OSBPL9: variants seen among roughly 807,000 people sequenced by gnomAD.
OSBPL9 encodes the protein oxysterol-binding protein-related protein 9.
A neutral mutation model predicts 106.6 loss-of-function variants in OSBPL9; 40 were observed. That is an observed-to-expected ratio of 0.38 (90% CI 0.29 to 0.49). The LOEUF (loss-of-function observed/expected upper bound fraction) is 0.49, where lower values mean the gene tolerates loss of function less well. Ranked by LOEUF, OSBPL9 falls within the 20% of genes least tolerant of loss-of-function variation. The probability of loss-of-function intolerance (pLI) is 0.97; values close to 1 mark genes in which losing one functional copy is unlikely to be tolerated. For missense variants in OSBPL9, 609 were observed against 887.2 expected (o/e 0.69, Z 3.98); for synonymous variants, 269 against 295.4 (o/e 0.91, Z 0.92).
At chr1:51,651,898 T>A in intron 1 of OSBPL9, 93 bp from the exon 2 acceptor site, 1 of 978,500 alleles carries the variant, frequency 1.0e-6, no homozygotes, top group Non-Finnish European at 1.6e-6. Flanking sequence ...TGGGTATTAC[T>A]GTAAATCTTG....
At chr1:51,710,014 A>G (rs1331412181) in intron 3 of OSBPL9, 2 of 152,260 alleles carry the variant, frequency 1.3e-5, no homozygotes, top group Non-Finnish European at 2.9e-5. Context: ...ATTGTAGATT[A>G]TGGACCTTCA....
At chr1:51,675,760 C>A (rs892513780) in intron 3 of OSBPL9, among the ~76,000 whole-genome samples, 1 of 151,572 alleles carries the variant, frequency 6.6e-6, no homozygotes, top group Non-Finnish European at 1.5e-5. Context: ...ACTAATAATT[C>A]GAAAAAAACT....
the OSBPL9 span, among the ~76,000 whole-genome samples, chr1:51,542,765 A>C: frequency 3.3e-5 from 5 of 152,228 alleles, no homozygotes; most frequent in African/African-American, 1.2e-4. Flanking sequence ...AATCTAGTAA[A>C]TACAGTGCTG....
intron 3 of OSBPL9, among the ~76,000 whole-genome samples, chr1:51,683,147 C>T (rs1571047421): frequency 6.6e-6 from 1 of 151,152 alleles, no homozygotes; most frequent in East Asian, 2.0e-4. Context: ...AGTGCTGGGA[C>T]TACAGGCGTG....
chr1:51,689,632 A>G lies in OSBPL9; in HGVS notation c.241+20120A>G, dbSNP rs143482480. On this transcript the variant is annotated intron_variant, in intron 3 of 23. Coordinates refer to ENST00000428468, the MANE Select transcript of OSBPL9 (RefSeq NM_024586.6). The stretch of plus-strand genomic sequence containing the variant: ...TTAATATTCAATAAAACCTCTTTTA[A>G]TAAGATTCTTGCAGAGGTCAAGTTT... Among the ~76,000 whole-genome samples, 624 of 152,314 alleles carry G rather than the reference A, an allele frequency of 4.1e-3. 1 individual carries two copies. Among genetic ancestry groups the G allele is most frequent in the Non-Finnish European group, 7.2e-3 (490 of 68,026 alleles).
chr1:51,711,527 C>A, intron 3 of OSBPL9, among the ~76,000 whole-genome samples: 1 of 134,818 alleles, frequency 7.4e-6, no homozygotes, highest in Non-Finnish European at 1.6e-5. Flanking sequence ...CCCCCACCTC[C>A]CTCCCGGACG....
intron 3 of OSBPL9, among the ~76,000 whole-genome samples, chr1:51,692,660 T>C (rs1320103575): frequency 2.0e-5 from 3 of 149,660 alleles, no homozygotes; most frequent in Non-Finnish European, 4.4e-5. Flanking sequence ...TCCCTTCCTT[T>C]CTTTCTTCTT....
At chr1:51,668,299 T>C (rs769742950) in intron 2 of OSBPL9, among the ~76,000 whole-genome samples, 3 of 152,216 alleles carry the variant, frequency 2.0e-5, no homozygotes, top group Non-Finnish European at 4.4e-5. Flanking sequence ...TAATTCCTGT[T>C]GTCTTCACAG....
intron 1 of OSBPL9, among the ~76,000 whole-genome samples, chr1:51,636,907 A>G (rs1050698130): frequency 1.3e-5 from 2 of 152,198 alleles, no homozygotes; most frequent in Non-Finnish European, 2.9e-5. Flanking sequence ...AGGAATTTAC[A>G]TGCTAGAGAT....
At chr1:51,613,436 C>T (rs1275338166), upstream of OSBPL9, among the ~76,000 whole-genome samples, 1 of 152,208 alleles carries the variant, frequency 6.6e-6, no homozygotes, top group African/African-American at 2.4e-5. Context: ...CTAATTAATA[C>T]TCTCAGGTAC....
At chr1:51,651,618 A>G (rs1313202703) in intron 1 of OSBPL9, among the ~76,000 whole-genome samples, 1 of 151,984 alleles carries the variant, frequency 6.6e-6, no homozygotes, top group Non-Finnish European at 1.5e-5. Flanking sequence ...AAAACAAAAA[A>G]AAATAATTAT....
chr1:51,765,271 C>T (rs542911715), intron 11 of OSBPL9, among the ~76,000 whole-genome samples: 11 of 152,118 alleles, frequency 7.2e-5, no homozygotes, highest in Non-Finnish European at 1.3e-4. Context: ...TTATCTCCAC[C>T]TCTGAGCCCC....
the OSBPL9 span, among the ~76,000 whole-genome samples, chr1:51,535,278 G>A: frequency 6.6e-6 from 1 of 152,182 alleles, no homozygotes; most frequent in Non-Finnish European, 1.5e-5. Context: ...ATCTAGGAGA[G>A]GGTAGGAGAG....
At chr1:51,783,552 A>G (rs1053490245) in intron 17 of OSBPL9, among the ~76,000 whole-genome samples, 2 of 152,128 alleles carry the variant, frequency 1.3e-5, no homozygotes, top group African/African-American at 4.8e-5. Flanking sequence ...TGGAGGGTCA[A>G]CTGTACATAC....
intron 2 of OSBPL9, among the ~76,000 whole-genome samples, chr1:51,605,482 G>A (rs917832141): frequency 1.3e-5 from 2 of 152,040 alleles, no homozygotes; most frequent in Non-Finnish European, 2.9e-5. Context: ...ACACTTTAAT[G>A]GAGTCCTGAA....
At chr1:51,585,765 G>A (rs1267675874) in intron 1 of OSBPL9, among the ~76,000 whole-genome samples, 1 of 151,724 alleles carries the variant, frequency 6.6e-6, no homozygotes, top group Non-Finnish European at 1.5e-5. Flanking sequence ...AACAGAGCGA[G>A]ACTCCATCTC....
intron 1 of OSBPL9, among the ~76,000 whole-genome samples, chr1:51,617,972 T>A (rs926428282): frequency 6.6e-6 from 1 of 151,330 alleles, no homozygotes; most frequent in Non-Finnish European, 1.5e-5. Flanking sequence ...GAAAAGTAGA[T>A]GAATTGCTGT....
rs758057781 is a variant in OSBPL9 at position 51,782,627 on chromosome 1, T to G, written c.1497T>G (p.Val499=). 117 of 1,613,808 alleles carry G rather than the reference T, an allele frequency of 7.2e-5. No homozygotes were observed. Among genetic ancestry groups the G allele is most frequent in the Admixed American group, 1.3e-4 (8 of 59,994 alleles). Residue 499 remains valine (V), a synonymous_variant, in exon 17 of 24, where the codon GTT becomes GTG. Coordinates refer to ENST00000428468, the MANE Select transcript of OSBPL9 (RefSeq NM_024586.6). ...GTGTAACATTTGTGGCTGAGCAGGTTTCCCATCATCCACCCAGTAAGTTAC... is the reference window on the plus strand; with the variant it reads ...GTGTAACATTTGTGGCTGAGCAGGTGTCCCATCATCCACCCAGTAAGTTAC... ...KNSVTFVAEQ[V]SHHPPISAFY... is the part of the protein sequence containing the mutation.
At chr1:51,525,877 A>AT in the OSBPL9 span, among the ~76,000 whole-genome samples, 8,791 of 151,870 alleles carry the variant, frequency 0.058, 346 homozygotes, top group Non-Finnish European at 0.086. Flanking sequence ...AGCCTGAATG[A>AT]TTTTTTTTGT....
Sources: allele counts gnomAD v4.1 joint callset (sites outside exome capture counted in the v4.1 genomes callset), GRCh38; gene constraint gnomAD v4.1.1; transcripts MANE v1.5; gene names NCBI Gene and HGNC (gene_info 2026-07-23, HGNC 2026-07-21).